SEPTIN11: variants seen among roughly 807,000 people sequenced by gnomAD.
SEPTIN11 encodes the protein septin-11.
A neutral mutation model predicts 51.4 loss-of-function variants in SEPTIN11; 25 were observed. That is an observed-to-expected ratio of 0.49 (90% confidence interval 0.35 to 0.68). SEPTIN11 has a LOEUF of 0.68. SEPTIN11 is among the 30% of genes least tolerant of loss of function. The probability of loss-of-function intolerance (pLI) is 0.00; values close to 1 mark genes in which losing one functional copy is unlikely to be tolerated. For synonymous variants in SEPTIN11, 174 were observed against 184.1 expected, an observed-to-expected ratio of 0.95 and a Z score of 0.44; for missense variants, 381 against 520.8, an observed-to-expected ratio of 0.73 and a Z score of 2.61.
chr4:76,957,407 C>T (rs2645702), intron 1 of SEPTIN11, among the ~76,000 whole-genome samples: 8,855 of 152,042 alleles, frequency 0.058, 481 homozygotes, highest in African/African-American at 0.13. Flanking sequence ...CAGGTTGCTC[C>T]GGTTCTAGAG....
intron 3 of SEPTIN11, chr4:77,009,924 T>A (rs1294006933): frequency 6.6e-6 from 1 of 152,238 alleles, no homozygotes; most frequent in Non-Finnish European, 1.5e-5. Context: ...AGTGGCTTGC[T>A]CTACTTCCCT....
chr4:76,970,601 A>C (rs1261629658), intron 1 of SEPTIN11, among the ~76,000 whole-genome samples: 1 of 152,210 alleles, frequency 6.6e-6, no homozygotes, highest in Non-Finnish European at 1.5e-5. Flanking sequence ...CATGCAATGA[A>C]TTGGCTTAAG....
intron 1 of SEPTIN11, among the ~76,000 whole-genome samples, chr4:76,981,297 A>G (rs557906441): frequency 1.3e-5 from 2 of 152,304 alleles, no homozygotes; most frequent in East Asian, 3.9e-4. Context: ...TTTTTAGTGG[A>G]CAATGGAGGG....
At chr4:76,980,349 C>G (rs1722710072) in intron 1 of SEPTIN11, among the ~76,000 whole-genome samples, 1 of 152,166 alleles carries the variant, frequency 6.6e-6, no homozygotes, top group Non-Finnish European at 1.5e-5. Context: ...CTTGGGTGTT[C>G]ATGCATGTGA....
chr4:76,980,130 TC>T (rs1266524685), intron 1 of SEPTIN11, among the ~76,000 whole-genome samples: 16 of 152,262 alleles, frequency 1.1e-4, no homozygotes, highest in African/African-American at 3.9e-4. Flanking sequence ...TTGCCTTTTT[TC>T]CTTCTCTGGG....
At chr4:77,012,820 C>T (rs1437546141) in intron 4 of SEPTIN11, among the ~76,000 whole-genome samples, 1 of 152,228 alleles carries the variant, frequency 6.6e-6, no homozygotes, top group Non-Finnish European at 1.5e-5. Context: ...CCAAGCCAGG[C>T]TCCTTTGGCT....
At chr4:76,986,542 G>A (rs1723038751) in intron 1 of SEPTIN11, among the ~76,000 whole-genome samples, 1 of 152,204 alleles carries the variant, frequency 6.6e-6, no homozygotes. Context: ...GTGTCTTAAA[G>A]CTGACAAAAC....
At chr4:76,958,876 G>A in intron 1 of SEPTIN11, 1 of 1,496,446 alleles carries the variant, frequency 6.7e-7, no homozygotes, top group East Asian at 2.3e-5. Context: ...TCATTATGGT[G>A]GCTTCAAGCT....
chr4:76,965,880 C>T (rs1321531585), intron 1 of SEPTIN11, among the ~76,000 whole-genome samples: 3 of 152,124 alleles, frequency 2.0e-5, no homozygotes, highest in East Asian at 1.9e-4. Context: ...CTTGTATCAT[C>T]GGAAATGCTC....
At chr4:76,960,387 T>C (rs762597517) in intron 1 of SEPTIN11, among the ~76,000 whole-genome samples, 18 of 152,206 alleles carry the variant, frequency 1.2e-4, no homozygotes, top group Non-Finnish European at 2.6e-4. Context: ...TTTTAGTTGT[T>C]GATAATCAAA....
In SEPTIN11 at chr4:77,011,824, A is replaced by G. The variant is rs770596285; in HGVS notation, c.428A>G (p.His143Arg). Residue 143 changes from histidine (H) to arginine (R), a missense_variant, in exon 4 of 10, where the codon CAT becomes CGT. His to Arg is a conservative substitution (Grantham distance 29). This residue lies in a region of SEPTIN11 where 184 missense variants were observed against 207.7 expected (regional missense o/e 0.89). Coordinates refer to ENST00000264893, the MANE Select transcript of SEPTIN11 (RefSeq NM_018243.4). ...ATTAAACGTTCTCTCTTCAACTACCATGACACGAGGATCCATGCCTGCCTC... is the reference window on the plus strand; with the variant it reads ...ATTAAACGTTCTCTCTTCAACTACCGTGACACGAGGATCCATGCCTGCCTC... ...LKIKRSLFNY[H>R]DTRIHACLYF... 2.5e-6 allele frequency: 4 copies of G among 1,614,018 alleles called. No individual in the cohort carries two copies. Among genetic ancestry groups the G allele is most frequent in the Non-Finnish European group, 1.7e-6 (2 of 1,179,986 alleles).
intron 1 of SEPTIN11, among the ~76,000 whole-genome samples, chr4:76,985,395 C>G (rs2109920715): frequency 6.6e-6 from 1 of 152,334 alleles, no homozygotes; most frequent in Non-Finnish European, 1.5e-5. Flanking sequence ...CCTCCTCCCC[C>G]TATCTGGGGT....
At position 77,038,479 on chromosome 4, in the gene SEPTIN11, A is replaced by G. The variant is rs1727182144; in HGVS notation, c.*3967A>G. The G allele has an allele frequency of 1.0e-6, 1 of 985,944 alleles. No homozygotes were observed. The highest frequency in any genetic ancestry group is 1.2e-6 in the Non-Finnish European group (1 of 829,984). 61.1% of individuals were successfully genotyped at this position (985,944 alleles called of 1,614,324 possible). A position where few individuals can be genotyped will look rare whatever the true frequency, so the allele number is the denominator to read the frequency against. ...TGTGAAGCATATCATTTTTTCAAAT[A>G]TGAAAGTGATCACTTAGCAACATGC... On this transcript the variant is annotated 3_prime_UTR_variant, in exon 10 of 10. Coordinates refer to ENST00000264893, the MANE Select transcript of SEPTIN11 (RefSeq NM_018243.4).
At chr4:77,010,339 A>C (rs1295115803) in intron 3 of SEPTIN11, among the ~76,000 whole-genome samples, 1 of 152,116 alleles carries the variant, frequency 6.6e-6, no homozygotes, top group Non-Finnish European at 1.5e-5. Flanking sequence ...TTATTATGCA[A>C]TATATGTCTA....
intron 1 of SEPTIN11, among the ~76,000 whole-genome samples, chr4:76,985,739 C>T (rs1490321614): frequency 6.6e-6 from 1 of 152,200 alleles, no homozygotes; most frequent in African/African-American, 2.4e-5. Context: ...GCGCCTCACT[C>T]TGTCTCCACC....
intron 1 of SEPTIN11, among the ~76,000 whole-genome samples, chr4:76,971,423 T>C (rs969593918): frequency 3.3e-5 from 5 of 151,978 alleles, no homozygotes; most frequent in Non-Finnish European, 7.4e-5. Flanking sequence ...CTTTTTTTTA[T>C]ATTAATTATG....
intron 3 of SEPTIN11, among the ~76,000 whole-genome samples, chr4:77,007,912 A>G (rs1185992208): frequency 6.6e-6 from 1 of 152,196 alleles, no homozygotes; most frequent in Non-Finnish European, 1.5e-5. Flanking sequence ...ATATAACCAT[A>G]TGGAAAGGGA....
At chr4:76,979,129 C>T (rs1243481351) in intron 1 of SEPTIN11, among the ~76,000 whole-genome samples, 1 of 152,198 alleles carries the variant, frequency 6.6e-6, no homozygotes, top group Non-Finnish European at 1.5e-5. Context: ...ATGGTACATA[C>T]AGTTCAAAGT....
intron 1 of SEPTIN11, 146 bp from the exon 2 acceptor site, chr4:76,996,279 C>T: frequency 1.5e-6 from 1 of 654,694 alleles, no homozygotes; most frequent in Non-Finnish European, 2.7e-6. Flanking sequence ...GTGCCCTCAG[C>T]TGTGTAGAAG....
Sources: allele counts gnomAD v4.1 joint callset (sites outside exome capture counted in the v4.1 genomes callset), GRCh38; gene constraint gnomAD v4.1.1; regional missense constraint gnomAD v4.1.1; transcripts MANE v1.5; gene names NCBI Gene and HGNC (gene_info 2026-07-23, HGNC 2026-07-21).